Variants in NAV3 observed in about 807,000 individuals in gnomAD.
The protein encoded by NAV3 is pore membrane and/or filament interacting like protein 1.
Under a neutral mutation model 244.7 loss-of-function variants are expected in NAV3, and 87 were observed. The observed-to-expected ratio is 0.36, with a 90% confidence interval of 0.30 to 0.42. NAV3 has a LOEUF of 0.42. Ranked by LOEUF, NAV3 falls within the 20% of genes least tolerant of loss-of-function variation. NAV3 has a pLI of 1.00. For synonymous variants in NAV3, 1,126 were observed against 1,042.2 expected, an observed-to-expected ratio of 1.08 and a Z score of -1.55; for missense variants, 2,663 against 2,893.3, an observed-to-expected ratio of 0.92 and a Z score of 1.83.
intron 2 of NAV3, among the ~76,000 whole-genome samples, chr12:77,731,497 G>A (rs1199582601): frequency 6.6e-6 from 1 of 151,938 alleles, no homozygotes; most frequent in African/African-American, 2.4e-5. Context: ...CATAAACACT[G>A]AATGTTAATT....
At chr12:78,132,838 TTTC>T (rs1299158248) in intron 18 of NAV3, among the ~76,000 whole-genome samples, 5 of 152,104 alleles carry the variant, frequency 3.3e-5, no homozygotes, top group African/African-American at 1.2e-4. Flanking sequence ...ATCAAAGTCT[TTTC>T]TTAAGTTCTT....
chr12:78,092,914 G>T lies in NAV3; in HGVS notation c.2637-23858G>T, dbSNP rs543529948. Among the ~76,000 whole-genome samples, 4 of 35,476 alleles carry T rather than the reference G, an allele frequency of 1.1e-4. No homozygotes were observed. In the East Asian group the frequency reaches 2.6e-3, roughly 23 times the overall value. 23.3% of individuals were successfully genotyped at this position (35,476 alleles called of 152,430 possible). ...TTGTTTCTCCCTGCTGCAGAGCACAGAACAATGTATGTAACTTGGCTTTCA... is the reference window on the plus strand; with the variant it reads ...TTGTTTCTCCCTGCTGCAGAGCACATAACAATGTATGTAACTTGGCTTTCA... On this transcript the variant is annotated intron_variant, in intron 12 of 39. Coordinates refer to ENST00000397909, the MANE Select transcript of NAV3 (RefSeq NM_001024383.2).
At chr12:77,789,538 G>T (rs367573833) in intron 2 of NAV3, among the ~76,000 whole-genome samples, 16 of 151,412 alleles carry the variant, frequency 1.1e-4, no homozygotes, top group African/African-American at 3.6e-4. Flanking sequence ...ACTGGGCGCA[G>T]TGGCTCATGC....
intron 2 of NAV3, among the ~76,000 whole-genome samples, chr12:77,811,681 A>G (rs1280082370): frequency 6.6e-6 from 1 of 152,236 alleles, no homozygotes; most frequent in Non-Finnish European, 1.5e-5. Flanking sequence ...AAGCATTCAA[A>G]TAAGTTAACT....
intron 1 of NAV3, among the ~76,000 whole-genome samples, chr12:77,865,038 G>A (rs1239365088): frequency 1.3e-5 from 2 of 151,974 alleles, no homozygotes; most frequent in East Asian, 1.9e-4. Flanking sequence ...ATCACTTATG[G>A]GCATTAAATG....
intron 2 of NAV3, among the ~76,000 whole-genome samples, chr12:77,638,649 C>G (rs1209482484): frequency 1.3e-5 from 2 of 152,166 alleles, no homozygotes; most frequent in African/African-American, 2.4e-5. Flanking sequence ...GATTCATATA[C>G]TATTTTTGAA....
chr12:77,675,597 A>G (rs749264995), intron 2 of NAV3, among the ~76,000 whole-genome samples: 7 of 152,204 alleles, frequency 4.6e-5, no homozygotes, highest in Non-Finnish European at 8.8e-5. Context: ...AAAACTGACC[A>G]TCACACCAAT....
intron 1 of NAV3, among the ~76,000 whole-genome samples, chr12:77,872,938 G>A (rs1881199040): frequency 6.6e-6 from 1 of 152,054 alleles, no homozygotes; most frequent in African/African-American, 2.4e-5. Flanking sequence ...CATCTTGATT[G>A]TAGCTCCCAT....
At chr12:77,943,080 A>G (rs957589633) in intron 3 of NAV3, among the ~76,000 whole-genome samples, 3 of 152,212 alleles carry the variant, frequency 2.0e-5, no homozygotes, top group Admixed American at 1.3e-4. Flanking sequence ...ATGGAAAAAC[A>G]ATTCCAAAGC....
chr12:78,152,708 A>T (rs928381909), intron 22 of NAV3, among the ~76,000 whole-genome samples: 1 of 151,966 alleles, frequency 6.6e-6, no homozygotes. Flanking sequence ...TTTAACATGC[A>T]TGTACTTAAA....
At chr12:78,001,302 C>T (rs960801426) in intron 7 of NAV3, among the ~76,000 whole-genome samples, 1 of 152,062 alleles carries the variant, frequency 6.6e-6, no homozygotes, top group African/African-American at 2.4e-5. Context: ...AAATTAATAA[C>T]AAGATCTTTT....
intron 22 of NAV3, among the ~76,000 whole-genome samples, chr12:78,155,014 A>T (rs1403065143): frequency 1.3e-5 from 2 of 151,788 alleles, no homozygotes; most frequent in African/African-American, 4.8e-5. Flanking sequence ...TTAAGACAAT[A>T]TTTTTTTTCT....
chr12:78,033,308 T>C (rs1482952668), intron 9 of NAV3, among the ~76,000 whole-genome samples: 1 of 152,098 alleles, frequency 6.6e-6, no homozygotes, highest in Non-Finnish European at 1.5e-5. Flanking sequence ...TTAGGTCTTT[T>C]ACTTAAATAG....
intron 2 of NAV3, among the ~76,000 whole-genome samples, chr12:77,620,313 A>G (rs1871318835): frequency 6.6e-6 from 1 of 152,214 alleles, no homozygotes; most frequent in Non-Finnish European, 1.5e-5. Context: ...GTAGTTGCTC[A>G]ATAAATGTAA....
intron 2 of NAV3, among the ~76,000 whole-genome samples, chr12:77,634,927 T>A (rs986617757): frequency 1.3e-5 from 2 of 151,016 alleles, no homozygotes; most frequent in Admixed American, 6.6e-5. Flanking sequence ...TTATTTATTT[T>A]TTAAGAAATA....
chr12:78,083,032 C>T (rs148542778), intron 12 of NAV3, among the ~76,000 whole-genome samples: 5 of 152,228 alleles, frequency 3.3e-5, no homozygotes, highest in African/African-American at 7.2e-5. Flanking sequence ...ATATTTGAAA[C>T]TGAATAATTT....
chr12:78,168,363 C>A (rs1161917296), intron 23 of NAV3, among the ~76,000 whole-genome samples: 2 of 151,750 alleles, frequency 1.3e-5, no homozygotes, highest in Admixed American at 1.3e-4. Flanking sequence ...ACAATAAATA[C>A]AATACAATGC....
intron 2 of NAV3, among the ~76,000 whole-genome samples, chr12:77,607,187 C>G (rs560484576): frequency 9.1e-4 from 139 of 152,164 alleles, no homozygotes; most frequent in Non-Finnish European, 1.6e-3. Context: ...ATTTTCAAAT[C>G]TGTTGGTAAT....
upstream of NAV3, among the ~76,000 whole-genome samples, chr12:77,827,698 C>A (rs1402812483): frequency 6.6e-6 from 1 of 152,136 alleles, no homozygotes; most frequent in Non-Finnish European, 1.5e-5. Flanking sequence ...ACATTTAGAG[C>A]TAACATTTAT....
Sources: gnomAD v4.1 joint callset for allele counts (sites outside exome capture counted in the v4.1 genomes callset) on GRCh38, gnomAD v4.1.1 for gene constraint, MANE v1.5 for transcripts, NCBI Gene and HGNC (gene_info 2026-07-23, HGNC 2026-07-21) for gene names.